ZNF865: variants seen among roughly 807,000 people sequenced by gnomAD.
ZNF865 encodes zinc finger protein 865.
For missense variants in ZNF865, 1,311 were observed against 1,593.4 expected (o/e 0.82, Z 3.02); for synonymous variants, 763 against 750.8 (o/e 1.02, Z -0.27).
chr19:55,606,721 G>C (rs1009521751), intron 1 of ZNF865, among the ~76,000 whole-genome samples: 2 of 152,224 alleles, frequency 1.3e-5, no homozygotes, highest in Admixed American at 6.5e-5. Context: ...TTCCTTCTGC[G>C]TTGAACGCAT....
Position 55,615,175 on chromosome 19 carries a change from C to A in ZNF865, c.1557C>A (p.Pro519=). Residue 519 remains proline (P), a synonymous_variant, in exon 2 of 2, where the codon CCC becomes CCA. Transcript: ENST00000568956. ...CGGCGGTGGTGTACGGCGCTGTGCC[C>A]GTCCCGCTCCTGGGCGCCCACCCGC... ...AAAAVVYGAV[P]VPLLGAHPLL... The A allele has an allele frequency of 1.4e-6, 2 of 1,380,426 alleles. No individual in the cohort carries two copies. Among genetic ancestry groups the A allele is most frequent in the Non-Finnish European group, 1.9e-6 (2 of 1,077,446 alleles). 85.5% of individuals were successfully genotyped at this position (1,380,426 alleles called of 1,614,324 possible).
In ZNF865 at chr19:55,615,610, C is replaced by A; in HGVS notation, c.1992C>A (p.Thr664=). ...CCTCGGGCACGTCTGCAGGGCCCACCGATGGGCTGAGCTACGCCTGCTCGG... is the reference window on the plus strand; with the variant it reads ...CCTCGGGCACGTCTGCAGGGCCCACAGATGGGCTGAGCTACGCCTGCTCGG... ...PGASGTSAGP[T]DGLSYACSDC... is the part of the protein sequence containing the mutation. Residue 664 remains threonine (T), a synonymous_variant, in exon 2 of 2, where the codon ACC becomes ACA. Transcript: ENST00000568956. 4.6e-6 allele frequency: 7 copies of A among 1,533,568 alleles called. No individual in the cohort carries two copies. Among genetic ancestry groups the A allele is most frequent in the Non-Finnish European group, 6.1e-6 (7 of 1,145,902 alleles). The allele number at this position is 1,533,568 out of a possible 1,614,324, so 95.0% of individuals were successfully genotyped here. A position where few individuals can be genotyped will look rare whatever the true frequency, so the allele number is the denominator to read the frequency against.
intron 1 of ZNF865, among the ~76,000 whole-genome samples, chr19:55,609,330 A>C (rs1203269250): frequency 6.6e-6 from 1 of 152,108 alleles, no homozygotes; most frequent in East Asian, 1.9e-4. Context: ...CTGACTTTGG[A>C]AGTTTAATTT....
rs1981317311 is a variant in ZNF865 at position 55,615,479 on chromosome 19, C to G, written c.1861C>G (p.Leu621Val). ...CAAGGTCTTCGGCTACCCGCAGAGC[C>G]TCACCCGCCACCGCCAGGTGCACCG... The part of the protein sequence containing the change: ...CGKVFGYPQS[L>V]TRHRQVHRLQ... Residue 621 changes from leucine to valine, a missense_variant, in exon 2 of 2, where the codon CTC becomes GTC. Transcript: ENST00000568956. 2 of 1,510,992 alleles carry G rather than the reference C, an allele frequency of 1.3e-6. No individual in the cohort carries two copies. The highest frequency in any genetic ancestry group is 4.2e-5 in the Admixed American group (2 of 47,458). 93.6% of individuals were successfully genotyped at this position (1,510,992 alleles called of 1,614,324 possible).
rs993800957 is a variant in ZNF865 at position 55,615,521 on chromosome 19, G to T, written c.1903G>T (p.Ala635Ser). ...GGTGCACCGGCTCCAGCTGCCCTGC[G>T]CCCTGGCCGGGGCAGCCGGCCTCCC... ...RQVHRLQLPCALAGAAGLPST... is the reference protein window; with the variant it reads ...RQVHRLQLPCSLAGAAGLPST... The change falls in exon 2 of 2, where the codon GCC becomes TCC. Residue 635 changes from alanine (A) to serine (S), a missense_variant. By Grantham distance (99) the Ala-to-Ser change is moderately conservative. Transcript: ENST00000568956. The T allele has an allele frequency of 2.7e-5, 41 of 1,506,528 alleles. No homozygotes were observed. The highest frequency in any genetic ancestry group is 3.4e-5 in the Non-Finnish European group (38 of 1,133,692). 93.3% of individuals were successfully genotyped at this position (1,506,528 alleles called of 1,614,324 possible). A position where few individuals can be genotyped will look rare whatever the true frequency, so the allele number is the denominator to read the frequency against.
intron 1 of ZNF865, among the ~76,000 whole-genome samples, chr19:55,610,904 G>T (rs2098148310): frequency 6.6e-6 from 1 of 152,138 alleles, no homozygotes; most frequent in African/African-American, 2.4e-5. Context: ...GAAGAACACT[G>T]TAGGCAGAAG....
chr19:55,605,826 C>T (rs1326160816), intron 1 of ZNF865, 94 bp downstream of exon 1: 1 of 152,342 alleles, frequency 6.6e-6, no homozygotes, highest in Non-Finnish European at 1.5e-5. Context: ...GTCCCCCAAC[C>T]CCTAGCAAGT....
chr19:55,616,870 C>G lies in ZNF865; in HGVS notation c.*72C>G. The G allele has an allele frequency of 2.9e-6, 4 of 1,374,880 alleles. No homozygotes were observed. The highest frequency in any genetic ancestry group is 3.8e-6 in the Non-Finnish European group (4 of 1,059,370). 85.2% of individuals were successfully genotyped at this position (1,374,880 alleles called of 1,614,324 possible). Reference sequence around the variant, plus strand: ...CCCACCTCCCAGGACTGATCAGACTCTTCCCCCCTCCTCGCTGTTGCCCCA... The same window carrying G: ...CCCACCTCCCAGGACTGATCAGACTGTTCCCCCCTCCTCGCTGTTGCCCCA... On this transcript the variant is annotated 3_prime_UTR_variant, in exon 2 of 2. Transcript: ENST00000568956.
chr19:55,606,843 A>G (rs554638791), intron 1 of ZNF865, among the ~76,000 whole-genome samples: 23 of 152,344 alleles, frequency 1.5e-4, no homozygotes, highest in African/African-American at 5.5e-4. Context: ...CGAGTCGACA[A>G]AGATACACGG....
rs1170270833 is a variant in ZNF865, at chr19:55,615,004, C to T, written c.1386C>T (p.Ala462=). Residue 462 remains alanine (A), a synonymous_variant, in exon 2 of 2, where the codon GCC becomes GCT. Coordinates refer to ENST00000568956, the MANE Select transcript of ZNF865 (RefSeq NM_001195605.2). ...AGAGCCTGCTCCGCCACAAGGCCGC[C>T]CACGCCCCGCCCGCTGCCGCTGCGG... is the stretch of plus-strand genomic sequence containing the variant. ...APQSLLRHKA[A]HAPPAAAAEA... 2 of 1,374,922 alleles carry T rather than the reference C, an allele frequency of 1.5e-6. No individual in the cohort carries two copies. The highest frequency in any genetic ancestry group is 1.9e-6 in the Non-Finnish European group (2 of 1,070,166). 85.2% of individuals were successfully genotyped at this position (1,374,922 alleles called of 1,614,324 possible).
At chr19:55,613,400 G>T (rs1981207309) in intron 1 of ZNF865, among the ~76,000 whole-genome samples, 193 bp from the exon 2 acceptor site, 1 of 152,188 alleles carries the variant, frequency 6.6e-6, no homozygotes, top group Non-Finnish European at 1.5e-5. Flanking sequence ...AGGTGAGTAG[G>T]AGAGTCCTGG....
In ZNF865 at chr19:55,611,173, G is replaced by T. The variant is rs1465520941; in HGVS notation, c.-26-2420G>T. On this transcript the variant is annotated intron_variant, in intron 1 of 1. Coordinates refer to ENST00000568956, the MANE Select transcript of ZNF865 (RefSeq NM_001195605.2). The surrounding 1 kb of genome is among the most constrained non-coding windows in gnomAD (Gnocchi z 4.5). ...TAGTTTTCTAATTTATCCAACGGCG[G>T]GAACAGCTGCCCCTATTTAGAGTTG... Among the ~76,000 whole-genome samples the T allele has an allele frequency of 2.0e-5, 3 of 152,248 alleles. No individual in the cohort carries two copies. The highest frequency in any genetic ancestry group is 1.9e-4 in the East Asian group (1 of 5,182).
At position 55,615,157 on chromosome 19, in the gene ZNF865, G is replaced by C. The variant is rs1981305136; in HGVS notation, c.1539G>C (p.Val513=). ...AGGCGGCGGCGGCCGCGGCGGCGGT[G>C]GTGTACGGCGCTGTGCCCGTCCCGC... is the stretch of plus-strand genomic sequence containing the variant. ...SEKAAAAAAA[V]VYGAVPVPLL... Residue 513 remains valine, a synonymous_variant, in exon 2 of 2, where the codon GTG becomes GTC. Coordinates refer to ENST00000568956, the MANE Select transcript of ZNF865 (RefSeq NM_001195605.2). 1.6e-6 allele frequency: 2 copies of C among 1,261,278 alleles called. No individual in the cohort carries two copies. The highest frequency in any genetic ancestry group is 2.0e-6 in the Non-Finnish European group (2 of 1,003,714). The allele number at this position is 1,261,278 out of a possible 1,614,324, so 78.1% of individuals were successfully genotyped here. A position where few individuals can be genotyped will look rare whatever the true frequency, so the allele number is the denominator to read the frequency against.
chr19:55,616,714 CA>C lies in ZNF865; in HGVS notation c.3098del (p.Lys1033ArgfsTer49). Reference sequence around the variant, plus strand: ...AGGGCTTCGCCAACACCTACGGCCTCAAGAAACACCGCCTGGCGCACAAGGC... The same window carrying C: ...AGGGCTTCGCCAACACCTACGGCCTCAGAAACACCGCCTGGCGCACAAGGC... ...GEGFANTYGLKKHRLAHKAEN... is the reference protein window; with the variant it reads ...GEGFANTYGLXKHRLAHKAEN... On this transcript the variant is annotated frameshift_variant, in exon 2 of 2. Coordinates refer to ENST00000568956, the MANE Select transcript of ZNF865 (RefSeq NM_001195605.2). LOFTEE classifies it low-confidence loss of function (END_TRUNC). 1 of 1,522,610 alleles carries C rather than the reference CA, an allele frequency of 6.6e-7. No individual in the cohort carries two copies. The highest frequency in any genetic ancestry group is 8.8e-7 in the Non-Finnish European group (1 of 1,140,516). The allele number at this position is 1,522,610 out of a possible 1,614,324, so 94.3% of individuals were successfully genotyped here. A position where few individuals can be genotyped will look rare whatever the true frequency, so the allele number is the denominator to read the frequency against.
intron 1 of ZNF865, among the ~76,000 whole-genome samples, chr19:55,607,734 C>T (rs984939707): frequency 3.3e-5 from 5 of 152,194 alleles, no homozygotes; most frequent in African/African-American, 1.2e-4. Flanking sequence ...AAAAATTCCC[C>T]TTCTCCTGGA....
intron 1 of ZNF865, among the ~76,000 whole-genome samples, chr19:55,606,218 C>T (rs1329238038): frequency 6.6e-6 from 1 of 152,118 alleles, no homozygotes; most frequent in African/African-American, 2.4e-5. Flanking sequence ...CCCCCAATGG[C>T]CCTGACCACC....
Position 55,615,984 on chromosome 19 carries a change from C to T in ZNF865, c.2366C>T (p.Pro789Leu). 1 of 1,520,974 alleles carries T rather than the reference C, an allele frequency of 6.6e-7. No individual in the cohort carries two copies. The highest frequency in any genetic ancestry group is 8.8e-7 in the Non-Finnish European group (1 of 1,139,890). 94.2% of individuals were successfully genotyped at this position (1,520,974 alleles called of 1,614,324 possible). ...GCTGGCGGGGGTGCCAGTTCCGGCC[C>T]CGAGCGCTTCAGCTGTGCCACGTGC... is the stretch of plus-strand genomic sequence containing the variant. The part of the protein sequence containing the change: ...AGAGGGASSG[P>L]ERFSCATCGQ... Residue 789 changes from proline to leucine, a missense_variant, in exon 2 of 2, where the codon CCC (proline) becomes CTC (leucine). Transcript: ENST00000568956.
Position 55,614,236 on chromosome 19 carries a change from C to T in ZNF865, c.618C>T (p.Thr206=), listed in dbSNP as rs750078936. 1 of 1,512,240 alleles carries T rather than the reference C, an allele frequency of 6.6e-7. No individual in the cohort carries two copies. Among genetic ancestry groups the T allele is most frequent in the South Asian group, 1.2e-5 (1 of 81,750 alleles). The allele number at this position is 1,512,240 out of a possible 1,614,324, so 93.7% of individuals were successfully genotyped here. A position where few individuals can be genotyped will look rare whatever the true frequency, so the allele number is the denominator to read the frequency against. The change falls in exon 2 of 2, where the codon ACC becomes ACT. Residue 206 remains threonine, a synonymous_variant. Coordinates refer to ENST00000568956, the MANE Select transcript of ZNF865 (RefSeq NM_001195605.2). This position sits in a 1 kb window ranked among gnomAD's most constrained non-coding sequence, Gnocchi z 8.0. ...GPPAAAACDP[T]KDDKGYFRRL... ...CCGCGGCGGCGGCCTGCGACCCCAC[C>T]AAGGACGACAAGGGCTACTTCCGGA...
chr19:55,606,639 C>G (rs902259553), intron 1 of ZNF865, among the ~76,000 whole-genome samples: 13 of 152,250 alleles, frequency 8.5e-5, no homozygotes, highest in Non-Finnish European at 1.8e-4. Context: ...ACCCAGCTCT[C>G]AGGCTATCGT....
Sources: gnomAD v4.1 joint callset for allele counts (sites outside exome capture counted in the v4.1 genomes callset) on GRCh38, gnomAD v4.1.1 for gene constraint, Gnocchi (gnomAD v3.1) non-coding constraint, MANE v1.5 for transcripts, NCBI Gene and HGNC (gene_info 2026-07-23, HGNC 2026-07-21) for gene names.